The following FAXDC2 variants were observed in gnomAD, a reference collection of about 807,000 sequenced individuals.
The protein encoded by FAXDC2 is fatty acid hydroxylase domain containing 2, also known as fatty acid hydroxylase domain-containing protein 2.
In FAXDC2, 41 loss-of-function variants were observed where a neutral mutation model predicts 40.9. That is an observed-to-expected ratio of 1.00 (90% CI 0.78 to 1.30). The LOEUF is 1.30. Among genes scored for constraint, FAXDC2 ranks in the 50% most tolerant of loss-of-function variants. FAXDC2 has a pLI of 0.00. For synonymous variants in FAXDC2, 157 were observed against 149.3 expected, an observed-to-expected ratio of 1.05 and a Z score of -0.38; for missense variants, 390 against 408.8, an observed-to-expected ratio of 0.95 and a Z score of 0.40.
At chr5:154,838,752 C>T (rs1483471065) in intron 1 of FAXDC2, 2 of 153,098 alleles carry the variant, frequency 1.3e-5, no homozygotes, top group Non-Finnish European at 2.9e-5. Flanking sequence ...CTTCCACCAC[C>T]ACGCCCGGCT....
intron 1 of FAXDC2, among the ~76,000 whole-genome samples, chr5:154,844,760 T>C (rs904705059): frequency 2.0e-5 from 3 of 152,198 alleles, no homozygotes; most frequent in Non-Finnish European, 4.4e-5. Context: ...CAAGAGGAAC[T>C]AGGATGACTG....
At position 154,835,603 on chromosome 5, in the gene FAXDC2, C is replaced by A. The variant is rs1313978290; in HGVS notation, c.49-669G>T. On this transcript the variant is annotated intron_variant, in intron 2 of 8. Coordinates refer to ENST00000326080, the MANE Select transcript of FAXDC2 (RefSeq NM_032385.5). ...TTTTTTGTTTTTTTGTTTTTTGAGA[C>A]AGAGTCTCGCTCTGTCGCCCAGGCT... Among the ~76,000 whole-genome samples, 28 of 152,062 alleles carry A rather than the reference C, an allele frequency of 1.8e-4. 1 individual carries two copies. The highest frequency in any genetic ancestry group is 1.8e-3 in the Admixed American group (28 of 15,264).
At chr5:154,831,057 A>G (rs1480850562) in intron 4 of FAXDC2, 135 bp from the exon 5 acceptor site, 4 of 1,000,704 alleles carry the variant, frequency 4.0e-6, no homozygotes, top group Non-Finnish European at 5.9e-6. Flanking sequence ...AGGGCTTGGG[A>G]CCAAGGGGTT....
chr5:154,832,311 T>G (rs1760213412), intron 4 of FAXDC2, among the ~76,000 whole-genome samples: 1 of 152,032 alleles, frequency 6.6e-6, no homozygotes, highest in South Asian at 2.1e-4. Flanking sequence ...CCTCCCGGGT[T>G]CACGCCATTC....
intron 1 of FAXDC2, among the ~76,000 whole-genome samples, chr5:154,845,338 G>C (rs1760573822): frequency 6.6e-6 from 1 of 152,228 alleles, no homozygotes; most frequent in South Asian, 2.1e-4. Context: ...TAGTGTTCAA[G>C]TTAGAAATTT....
Position 154,821,322 on chromosome 5 carries a change from G to C in FAXDC2, c.783C>G (p.Ser261=). 1 of 1,610,694 alleles carries C rather than the reference G, an allele frequency of 6.2e-7. No individual in the cohort carries two copies. Among genetic ancestry groups the C allele is most frequent in the Non-Finnish European group, 8.5e-7 (1 of 1,178,842 alleles). The part of the protein sequence containing the change: ...FSLALIITTI[S]HCGYHLPFLP... ...GGAAGGGAAGGTGGTAGCCACAGTG[G>C]GAGATGGTGGTGATGATGAGGGCCA... The change falls in exon 8 of 9, where the codon TCC becomes TCG. Residue 261 remains serine (S), a synonymous_variant. Transcript: ENST00000326080.
chr5:154,829,675 G>A (rs1014981541), intron 5 of FAXDC2: 2 of 154,440 alleles, frequency 1.3e-5, no homozygotes, highest in African/African-American at 4.8e-5. Context: ...GAGCCCTGAA[G>A]TCACAAAGCC....
chr5:154,823,308 C>G lies in FAXDC2; in HGVS notation c.572+79G>C, dbSNP rs930998152. The G allele has an allele frequency of 6.6e-6, 9 of 1,355,604 alleles. No homozygotes were observed. The African/African-American group carries it at 1.3e-4, about 19-fold the overall frequency. 84.0% of individuals were successfully genotyped at this position (1,355,604 alleles called of 1,614,324 possible). A position where few individuals can be genotyped will look rare whatever the true frequency, so the allele number is the denominator to read the frequency against. ...GGATTACAAGCGTGAGTCACTGCACCTGGCCTCAGTTTCCTTGTTGATCAG... is the reference window on the plus strand; with the variant it reads ...GGATTACAAGCGTGAGTCACTGCACGTGGCCTCAGTTTCCTTGTTGATCAG... On this transcript the variant is annotated intron_variant, in intron 6 of 8. Coordinates refer to ENST00000326080, the MANE Select transcript of FAXDC2 (RefSeq NM_032385.5).
At chr5:154,830,504 T>C (rs938698672) in intron 5 of FAXDC2, 4 of 288,498 alleles carry the variant, frequency 1.4e-5, no homozygotes, top group Non-Finnish European at 2.7e-5. Context: ...AAAGTGGAGT[T>C]GCCTGCCTTC....
intron 1 of FAXDC2, among the ~76,000 whole-genome samples, chr5:154,845,339 T>G (rs1398989173): frequency 6.6e-6 from 1 of 152,232 alleles, no homozygotes; most frequent in Non-Finnish European, 1.5e-5. Flanking sequence ...AGTGTTCAAG[T>G]TAGAAATTTT....
chr5:154,821,318 A>C lies in FAXDC2; in HGVS notation c.787T>G (p.Cys263Gly), dbSNP rs1201840850. The change falls in exon 8 of 9, where the codon TGT becomes GGT. Residue 263 changes from cysteine (C) to glycine (G), a missense_variant. Coordinates refer to ENST00000326080, the MANE Select transcript of FAXDC2 (RefSeq NM_032385.5). ...GGCAGGAAGGGAAGGTGGTAGCCAC[A>C]GTGGGAGATGGTGGTGATGATGAGG... is the stretch of plus-strand genomic sequence containing the variant. ...LALIITTISH[C>G]GYHLPFLPSP... The C allele has an allele frequency of 6.2e-7, 1 of 1,610,950 alleles. No homozygotes were observed. The highest frequency in any genetic ancestry group is 1.3e-5 in the African/African-American group (1 of 74,748).
At chr5:154,822,434 T>A in intron 7 of FAXDC2, 38 bp downstream of exon 7, 1 of 1,489,326 alleles carries the variant, frequency 6.7e-7, no homozygotes, top group Non-Finnish European at 9.4e-7. Context: ...GTTGGGGCCA[T>A]CTGCCCTTTG....
At chr5:154,828,739 GAC>G (rs1760108221) in intron 5 of FAXDC2, among the ~76,000 whole-genome samples, 2 of 151,082 alleles carry the variant, frequency 1.3e-5, no homozygotes, top group African/African-American at 4.9e-5. Flanking sequence ...TGAGACTACA[GAC>G]ACACGCCACT....
In FAXDC2 at chr5:154,820,433, G is replaced by A. The variant is rs781392811; in HGVS notation, c.885C>T (p.His295=). Residue 295 remains histidine (H), a synonymous_variant, in exon 9 of 9, where the codon CAC becomes CAT. Transcript: ENST00000326080. ...TGAACATGGTGTCAGTCCCATGGAG[G>A]TGGTCCAGCACACCCAGCACCCCAT... is the stretch of plus-strand genomic sequence containing the variant. ...QCYGVLGVLD[H]LHGTDTMFKQ... The A allele has an allele frequency of 1.9e-6, 3 of 1,613,218 alleles. No individual in the cohort carries two copies. In the South Asian group the frequency reaches 3.3e-5, roughly 18 times the overall value.
chr5:154,849,740 T>G (rs908888035), intron 1 of FAXDC2, among the ~76,000 whole-genome samples: 1 of 152,218 alleles, frequency 6.6e-6, no homozygotes, highest in Non-Finnish European at 1.5e-5. Flanking sequence ...CACATGAAAC[T>G]GAAGCAACCC....
intron 5 of FAXDC2, among the ~76,000 whole-genome samples, chr5:154,826,433 G>A (rs1018047377): frequency 1.3e-5 from 2 of 151,732 alleles, no homozygotes; most frequent in Admixed American, 1.3e-4. Context: ...GGAGGCTGAG[G>A]CAGGAGAATC....
In FAXDC2 at chr5:154,821,262, G is replaced by T. The variant is rs572907325; in HGVS notation, c.843C>A (p.Leu281=). Residue 281 remains leucine (L), a splice_region_variant and synonymous_variant, in exon 8 of 9, where the codon CTC becomes CTA. Transcript: ENST00000326080. ...CATTGTGGGGAGAAGGTCCTTACTTGAGATGGTGGTAGTCGTGGAATTCAG... is the reference window on the plus strand; with the variant it reads ...CATTGTGGGGAGAAGGTCCTTACTTTAGATGGTGGTAGTCGTGGAATTCAG... ...PSPEFHDYHH[L]KFNQCYGVLG... is the part of the protein sequence containing the mutation. 4.3e-6 allele frequency: 7 copies of T among 1,611,556 alleles called. No homozygotes were observed. The African/African-American group carries it at 9.4e-5, about 22-fold the overall frequency.
intron 8 of FAXDC2, 84 bp downstream of exon 8, chr5:154,821,176 G>C (rs1340546597): frequency 1.7e-6 from 2 of 1,146,878 alleles, no homozygotes; most frequent in Non-Finnish European, 2.6e-6. Context: ...TGTAAACTGA[G>C]ATACCAGTGC....
At chr5:154,834,997 G>T in intron 2 of FAXDC2, 63 bp from the exon 3 acceptor site, 1 of 1,031,856 alleles carries the variant, frequency 9.7e-7, no homozygotes, top group Non-Finnish European at 1.5e-6. Flanking sequence ...CCAGCTCACT[G>T]CTGAGGCACA....
Sources: allele counts gnomAD v4.1 joint callset (sites outside exome capture counted in the v4.1 genomes callset), GRCh38; gene constraint gnomAD v4.1.1; transcripts MANE v1.5; gene names NCBI Gene and HGNC (gene_info 2026-07-23, HGNC 2026-07-21).